The following SIN3B variants were observed in gnomAD, a reference collection of about 807,000 sequenced individuals.
SIN3B encodes paired amphipathic helix protein Sin3b.
SIN3B carries 19 observed loss-of-function variants against 120.2 expected under a neutral mutation model. The observed-to-expected ratio is 0.16, with a 90% CI of 0.11 to 0.23. The LOEUF is 0.23. Among genes scored for constraint, SIN3B ranks in the 10% least tolerant of loss-of-function variants. The pLI, the probability that SIN3B is intolerant of heterozygous loss-of-function variation, is 1.00. For synonymous variants in SIN3B, 654 were observed against 653.2 expected, an observed-to-expected ratio of 1.00 and a Z score of -0.02; for missense variants, 1,073 against 1,573.0, an observed-to-expected ratio of 0.68 and a Z score of 5.38.
In SIN3B at chr19:16,831,645, C is replaced by G; in HGVS notation, c.379C>G (p.Gln127Glu). ...AAACATACAGTCGCCTCTGACAAGC[C>G]AGGTATGCCACTACAGTGGTTCGGG... The part of the protein sequence containing the change: ...KLNIQSPLTS[Q>E]ENSHNHGDGA... Residue 127 changes from glutamine to glutamate, a missense_variant and splice_region_variant, in exon 3 of 19, where the codon CAG (glutamine) becomes GAG (glutamate). Physicochemically the swap from Gln to Glu is conservative, Grantham distance 29 (BLOSUM62 2). Around this residue, in one of 7 missense-constraint regions of SIN3B, gnomAD observed 395 missense variants for 528.0 expected, o/e 0.75. Coordinates refer to ENST00000248054, the MANE Select transcript of SIN3B (RefSeq NM_001297595.2). The G allele has an allele frequency of 2.5e-6, 4 of 1,613,836 alleles. No homozygotes were observed. The highest frequency in any genetic ancestry group is 3.4e-6 in the Non-Finnish European group (4 of 1,179,826).
intron 3 of SIN3B, among the ~76,000 whole-genome samples, chr19:16,833,360 G>A (rs1248148010): frequency 2.6e-5 from 4 of 152,042 alleles, no homozygotes; most frequent in Non-Finnish European, 4.4e-5. Flanking sequence ...TCGGCCAGGC[G>A]CAGTGGCTCA....
At position 16,878,594 on chromosome 19, in the gene SIN3B, T is replaced by C; in HGVS notation, c.3260T>C (p.Val1087Ala). 6.2e-7 allele frequency: 1 copy of C among 1,611,844 alleles called. No individual in the cohort carries two copies. Among genetic ancestry groups the C allele is most frequent in the Non-Finnish European group, 8.5e-7 (1 of 1,179,110 alleles). ...GTGACGGTGGAGGCGGCTAGCCTGG[T>C]GCAGGACTGGCTGATGGGTGAGGAG... ...DNVTVEAASLVQDWLMGEEDE... is the reference protein window; with the variant it reads ...DNVTVEAASLAQDWLMGEEDE... Residue 1087 changes from valine to alanine, a missense_variant, in exon 19 of 19, where the codon GTG (valine) becomes GCG (alanine). Coordinates refer to ENST00000248054, the MANE Select transcript of SIN3B (RefSeq NM_001297595.2).
chr19:16,848,968 G>A (rs1971512500), intron 5 of SIN3B, among the ~76,000 whole-genome samples: 1 of 152,136 alleles, frequency 6.6e-6, no homozygotes, highest in African/African-American at 2.4e-5. Context: ...TTTATGCAGG[G>A]CACCCGGCTA....
intron 12 of SIN3B, 60 bp from the exon 13 acceptor site, chr19:16,869,400 A>C (rs988410378): frequency 6.6e-7 from 1 of 1,514,670 alleles, no homozygotes. Context: ...GTGAATGGGC[A>C]CTGGGGGTCC....
chr19:16,866,788 G>C (rs751505791), intron 12 of SIN3B, among the ~76,000 whole-genome samples: 2 of 152,142 alleles, frequency 1.3e-5, no homozygotes, highest in African/African-American at 2.4e-5. Flanking sequence ...ACAGAGTCTC[G>C]CTGTGTTACA....
chr19:16,869,585 G>A lies in SIN3B; in HGVS notation c.1932G>A (p.Gln644=). ...TCATCAGCTACTACGTGAAGCGGCA[G>A]CCGGCCATCCAGAAGGAGGACCAGG... The part of the protein sequence containing the change: ...AALISYYVKR[Q]PAIQKEDQGT... The change falls in exon 13 of 19, where the codon CAG becomes CAA. Residue 644 remains glutamine, a synonymous_variant. Transcript: ENST00000248054. The A allele has an allele frequency of 6.2e-7, 1 of 1,613,576 alleles. No homozygotes were observed. Among genetic ancestry groups the A allele is most frequent in the Non-Finnish European group, 8.5e-7 (1 of 1,180,038 alleles).
rs372844341 is a variant in SIN3B, at chr19:16,843,463, C to T, written c.582+1495C>T. Among the ~76,000 whole-genome samples the T allele has an allele frequency of 4.9e-4, 74 of 152,312 alleles. No individual in the cohort carries two copies. In the South Asian group the frequency reaches 0.012, roughly 25 times the overall value. ...TGAGAGGCTGGTACAGCCCTAAGAA[C>T]GCTTGTTTGTCATGGATGAGTGGTT... On this transcript the variant is annotated intron_variant, in intron 4 of 18. Coordinates refer to ENST00000248054, the MANE Select transcript of SIN3B (RefSeq NM_001297595.2).
intron 14 of SIN3B, among the ~76,000 whole-genome samples, chr19:16,874,515 G>T (rs1341950810): frequency 6.8e-6 from 1 of 147,462 alleles, no homozygotes; most frequent in African/African-American, 2.5e-5. Flanking sequence ...GTCTGATTTG[G>T]TCTGCTCTGA....
In SIN3B at chr19:16,829,816, A is replaced by G; in HGVS notation, c.146A>G (p.Asp49Gly). ...VHVEDALTYL[D>G]QVKIRFGSDP... is the part of the protein sequence containing the mutation. The stretch of plus-strand genomic sequence containing the variant: ...GTAGAAGACGCCCTCACCTATCTGG[A>G]CCAGGTGAAGATCCGCTTTGGCAGC... The change falls in exon 2 of 19, where the codon GAC becomes GGC. Residue 49 changes from aspartate (D) to glycine (G), a missense_variant. This residue lies in a region of SIN3B where 395 missense variants were observed against 528.0 expected (regional missense o/e 0.75). Transcript: ENST00000248054. 1.2e-6 allele frequency: 2 copies of G among 1,613,216 alleles called. No homozygotes were observed. The highest frequency in any genetic ancestry group is 1.7e-6 in the Non-Finnish European group (2 of 1,179,520).
At chr19:16,867,952 T>G (rs1971801445) in intron 12 of SIN3B, among the ~76,000 whole-genome samples, 1 of 152,194 alleles carries the variant, frequency 6.6e-6, no homozygotes, top group Admixed American at 6.5e-5. Flanking sequence ...AATCCACCAA[T>G]GCGACCCTGA....
In SIN3B at chr19:16,851,453, G is replaced by A. The variant is rs1308963464; in HGVS notation, c.768G>A (p.Lys256=). The A allele has an allele frequency of 6.2e-7, 1 of 1,609,994 alleles. No homozygotes were observed. Among genetic ancestry groups the A allele is most frequent in the South Asian group, 1.1e-5 (1 of 90,140 alleles). The change falls in exon 6 of 19, where the codon AAG becomes AAA. Residue 256 remains lysine, a synonymous_variant. Coordinates refer to ENST00000248054, the MANE Select transcript of SIN3B (RefSeq NM_001297595.2). ...CGTGCGAGATGCACAGCGTGCAGAAGAACGAGCACGACAAGACCCCGGAGC... is the reference window on the plus strand; with the variant it reads ...CGTGCGAGATGCACAGCGTGCAGAAAAACGAGCACGACAAGACCCCGGAGC... ...NGPCEMHSVQ[K]NEHDKTPEHS...
chr19:16,871,323 C>A lies in SIN3B; in HGVS notation c.2517C>A (p.Thr839=). The A allele has an allele frequency of 6.2e-7, 1 of 1,614,022 alleles. No homozygotes were observed. The highest frequency in any genetic ancestry group is 8.5e-7 in the Non-Finnish European group (1 of 1,179,948). ...GSIDPTQYED[T]LREMFTIHAY... ...TCGACCCCACGCAGTACGAGGACAC[C>A]CTACGCGAGATGTTCACCATCCATG... The change falls in exon 14 of 19, where the codon ACC becomes ACA. Residue 839 remains threonine, a synonymous_variant. Coordinates refer to ENST00000248054, the MANE Select transcript of SIN3B (RefSeq NM_001297595.2).
chr19:16,863,575 G>A, intron 9 of SIN3B, 105 bp from the exon 10 acceptor site: 2 of 762,592 alleles, frequency 2.6e-6, no homozygotes, highest in Non-Finnish European at 4.8e-6. Flanking sequence ...TTGGTATTAT[G>A]TATCAGGATG....
rs1028252104 is a variant in SIN3B, at chr19:16,871,277, G to A, written c.2471G>A (p.Arg824Gln). 8 of 1,614,070 alleles carry A rather than the reference G, an allele frequency of 5.0e-6. No individual in the cohort carries two copies. The African/African-American group carries it at 5.3e-5, about 11-fold the overall frequency. Residue 824 changes from arginine to glutamine, a missense_variant, in exon 14 of 19, where the codon CGG becomes CAG. Physicochemically the swap from Arg to Gln is conservative, Grantham distance 43. Transcript: ENST00000248054. ...EYYPAFLDMV[R>Q]SLLEGSIDPT... ...TACCCGGCCTTCCTGGACATGGTGC[G>A]GAGCCTGCTGGAGGGCAGCATCGAC... is the stretch of plus-strand genomic sequence containing the variant.
chr19:16,867,201 C>T (rs1187363649), intron 12 of SIN3B, among the ~76,000 whole-genome samples: 1 of 152,208 alleles, frequency 6.6e-6, no homozygotes, highest in African/African-American at 2.4e-5. Context: ...AGTAATGCAT[C>T]ATCTGACCTC....
intron 3 of SIN3B, among the ~76,000 whole-genome samples, chr19:16,838,882 C>T (rs563607298): frequency 6.6e-6 from 1 of 150,556 alleles, no homozygotes; most frequent in African/African-American, 2.4e-5. Context: ...CCATGTTGGC[C>T]AGGCTAGTCT....
chr19:16,842,997 C>G (rs901067221), intron 4 of SIN3B, among the ~76,000 whole-genome samples: 2 of 152,208 alleles, frequency 1.3e-5, no homozygotes, highest in Non-Finnish European at 2.9e-5. Context: ...TGCAGGTGGG[C>G]TGGTGGCGAG....
At chr19:16,855,592 G>C (rs1264795641) in intron 8 of SIN3B, 1 of 151,640 alleles carries the variant, frequency 6.6e-6, no homozygotes, top group East Asian at 1.9e-4. Context: ...GTGGTGGCAG[G>C]CGCCTGTAAT....
intron 6 of SIN3B, among the ~76,000 whole-genome samples, 174 bp from the exon 7 acceptor site, chr19:16,852,894 TG>T (rs1476567424): frequency 2.6e-4 from 39 of 152,042 alleles, no homozygotes; most frequent in African/African-American, 8.9e-4. Context: ...TCCCCAGAGG[TG>T]TCATCTCAGG....
Sources: gnomAD v4.1 joint callset for allele counts (sites outside exome capture counted in the v4.1 genomes callset) on GRCh38, gnomAD v4.1.1 for gene constraint, gnomAD v4.1.1 regional missense constraint, MANE v1.5 for transcripts, NCBI Gene and HGNC (gene_info 2026-07-23, HGNC 2026-07-21) for gene names.